LIMA1: variants seen among roughly 807,000 people sequenced by gnomAD.
The protein encoded by LIMA1 is LIM domain and actin-binding protein 1.
A neutral mutation model predicts 62.6 loss-of-function variants in LIMA1; 52 were observed. The ratio of observed to expected loss-of-function variants is 0.83; its 90% CI spans 0.67 to 1.05. The LOEUF (loss-of-function observed/expected upper bound fraction) is 1.05. LIMA1 is among the 50% of genes least tolerant of loss of function. The probability of loss-of-function intolerance (pLI) is 0.00; values close to 1 mark genes in which losing one functional copy is unlikely to be tolerated. For synonymous variants in LIMA1, 302 were observed against 317.8 expected (o/e 0.95, Z 0.53); for missense variants, 780 against 902.2 (o/e 0.86, Z 1.74).
chr12:50,192,722 A>G (rs895515305), intron 8 of LIMA1, among the ~76,000 whole-genome samples, 161 bp from the exon 9 acceptor site: 8 of 152,232 alleles, frequency 5.3e-5, no homozygotes, highest in South Asian at 2.1e-4. Context: ...AACACTAACA[A>G]CTATGGCTCA....
At chr12:50,207,173 C>T (rs1488820976) in intron 4 of LIMA1, among the ~76,000 whole-genome samples, 1 of 152,186 alleles carries the variant, frequency 6.6e-6, no homozygotes, top group East Asian at 1.9e-4. Flanking sequence ...GATCCGCCCA[C>T]CTCGGCCTCC....
chr12:50,179,431 C>T (rs1299536435), intron 10 of LIMA1, among the ~76,000 whole-genome samples: 8 of 147,186 alleles, frequency 5.4e-5, no homozygotes, highest in Non-Finnish European at 1.5e-5. Context: ...TGAGCCACCA[C>T]GCCCAGCCAT....
intron 9 of LIMA1, among the ~76,000 whole-genome samples, chr12:50,184,186 T>C (rs1238204620): frequency 2.0e-5 from 3 of 152,246 alleles, no homozygotes; most frequent in Non-Finnish European, 4.4e-5. Context: ...GGTATTTAAA[T>C]ATAACCAAAT....
At position 50,177,208 on chromosome 12, in the gene LIMA1, G is replaced by C; in HGVS notation, c.2136C>G (p.Asp712Glu). The C allele has an allele frequency of 6.2e-7, 1 of 1,614,126 alleles. No homozygotes were observed. Among genetic ancestry groups the C allele is most frequent in the South Asian group, 1.1e-5 (1 of 91,044 alleles). The change falls in exon 11 of 11, where the codon GAC becomes GAG. Residue 712 changes from aspartate to glutamate, a missense_variant. Coordinates refer to ENST00000341247, the MANE Select transcript of LIMA1 (RefSeq NM_016357.5). ...PKSLNWSSFVDNTFAEEFTTQ... is the reference protein window; with the variant it reads ...PKSLNWSSFVENTFAEEFTTQ... The stretch of plus-strand genomic sequence containing the variant: ...TAGTGAATTCTTCAGCAAAGGTGTT[G>C]TCTACAAAACTCGACCAATTCAGAG...
At chr12:50,188,989 T>C (rs534161498) in intron 9 of LIMA1, 1 of 152,298 alleles carries the variant, frequency 6.6e-6, no homozygotes, top group East Asian at 1.9e-4. Context: ...AAAGTAACCC[T>C]GTGGGGTTTG....
chr12:50,263,771 G>A (rs1300096929), intron 1 of LIMA1, among the ~76,000 whole-genome samples: 1 of 144,516 alleles, frequency 6.9e-6, no homozygotes, highest in African/African-American at 2.6e-5. Flanking sequence ...ATGGGATCCA[G>A]CAATTCCATT....
At chr12:50,206,350 A>C (rs1941153526) in intron 4 of LIMA1, among the ~76,000 whole-genome samples, 2 of 152,154 alleles carry the variant, frequency 1.3e-5, no homozygotes, top group South Asian at 4.1e-4. Flanking sequence ...ACCAGATGAC[A>C]ATGACATGTC....
chr12:50,197,324 C>A (rs1469936431), intron 7 of LIMA1, among the ~76,000 whole-genome samples: 1 of 151,914 alleles, frequency 6.6e-6, no homozygotes, highest in Admixed American at 6.6e-5. Flanking sequence ...CCCACCTTGG[C>A]CTCCCAAAGT....
At chr12:50,211,483 A>T (rs1264468320) in intron 4 of LIMA1, among the ~76,000 whole-genome samples, 4 of 73,130 alleles carry the variant, frequency 5.5e-5, no homozygotes, top group Non-Finnish European at 7.5e-5. Context: ...TCTCTGCTTT[A>T]AAAAAAAAAA....
intron 5 of LIMA1, 71 bp downstream of exon 5, chr12:50,205,913 C>A: frequency 9.2e-7 from 1 of 1,089,478 alleles, no homozygotes. Context: ...GCATTGGCTT[C>A]GAGTCCAAAA....
chr12:50,235,560 C>T (rs1941680183), intron 2 of LIMA1, among the ~76,000 whole-genome samples: 1 of 152,048 alleles, frequency 6.6e-6, no homozygotes, highest in Non-Finnish European at 1.5e-5. Flanking sequence ...CCACCGTGCC[C>T]AGCCCCCAAT....
At chr12:50,230,841 T>G (rs1941601782) in intron 3 of LIMA1, among the ~76,000 whole-genome samples, 1 of 152,176 alleles carries the variant, frequency 6.6e-6, no homozygotes, top group East Asian at 1.9e-4. Flanking sequence ...TCTCCCAAAG[T>G]GCTGGGATTA....
chr12:50,263,961 A>G (rs1434558844), intron 1 of LIMA1, among the ~76,000 whole-genome samples: 1 of 150,578 alleles, frequency 6.6e-6, no homozygotes, highest in Non-Finnish European at 1.5e-5. Flanking sequence ...GAACTTGTAC[A>G]CAAATGTTCG....
At chr12:50,229,443 CA>C (rs1385833957) in intron 3 of LIMA1, among the ~76,000 whole-genome samples, 2 of 151,840 alleles carry the variant, frequency 1.3e-5, no homozygotes, top group Non-Finnish European at 2.9e-5. Flanking sequence ...ATCGCAAGGA[CA>C]AAAAACCAAA....
intron 2 of LIMA1, among the ~76,000 whole-genome samples, chr12:50,232,043 C>CGTT (rs1941619479): frequency 1.2e-5 from 1 of 83,452 alleles, no homozygotes; most frequent in Non-Finnish European, 2.2e-5. Context: ...GAGTGCCCAG[C>CGTT]TTTTTTTTTT....
chr12:50,190,295 G>T (rs1461608899), intron 9 of LIMA1: 1 of 151,880 alleles, frequency 6.6e-6, no homozygotes, highest in African/African-American at 2.4e-5. Context: ...TTATAGCTGT[G>T]AGTCACCGTG....
chr12:50,191,320 G>A (rs1940764644), intron 9 of LIMA1: 1 of 137,786 alleles, frequency 7.3e-6, no homozygotes, highest in African/African-American at 2.7e-5. Context: ...AAGGCCTGGA[G>A]ATTGAGGCCA....
intron 1 of LIMA1, among the ~76,000 whole-genome samples, chr12:50,265,192 G>A (rs1042354301): frequency 2.0e-5 from 3 of 151,754 alleles, no homozygotes; most frequent in African/African-American, 7.3e-5. Context: ...TGCTTCAGCT[G>A]TTTGACTTTT....
chr12:50,226,773 A>T (rs1160723029), intron 3 of LIMA1, among the ~76,000 whole-genome samples: 1 of 150,230 alleles, frequency 6.7e-6, no homozygotes, highest in Non-Finnish European at 1.5e-5. Flanking sequence ...CGGGAGGCGG[A>T]GGTTGCAGTG....
Sources: gnomAD v4.1 joint callset for allele counts (sites outside exome capture counted in the v4.1 genomes callset) on GRCh38, gnomAD v4.1.1 for gene constraint, MANE v1.5 for transcripts, NCBI Gene and HGNC (gene_info 2026-07-23, HGNC 2026-07-21) for gene names.